The following PCYOX1 variants were observed in gnomAD, a reference collection of about 807,000 sequenced individuals.
PCYOX1 encodes the protein prenylcysteine lyase.
In PCYOX1, 46 loss-of-function variants were observed where a neutral mutation model predicts 46.4. That is an observed-to-expected ratio of 0.99 (90% CI 0.78 to 1.27). The LOEUF (loss-of-function observed/expected upper bound fraction) is 1.27, where lower values mean the gene tolerates loss of function less well. PCYOX1 is among the 50% of genes most tolerant of loss of function. The pLI, the probability that PCYOX1 is intolerant of heterozygous loss-of-function variation, is 0.00. For missense variants in PCYOX1, 658 were observed against 628.3 expected (o/e 1.05, Z -0.51); for synonymous variants, 220 against 231.8 (o/e 0.95, Z 0.46).
In PCYOX1 at chr2:70,277,912, G is replaced by A. The variant is rs1222061176; in HGVS notation, c.*520G>A. The A allele has an allele frequency of 6.6e-6, 1 of 152,434 alleles. No homozygotes were observed. The highest frequency in any genetic ancestry group is 1.5e-5 in the Non-Finnish European group (1 of 68,284). 9.4% of individuals were successfully genotyped at this position (152,434 alleles called of 1,614,324 possible). On this transcript the variant is annotated 3_prime_UTR_variant, in exon 6 of 6. Transcript: ENST00000433351. Reference sequence around the variant, plus strand: ...GGGAGAACTTAAAGACATCTTAGTTGGGGAGTAGTCCTTTTGAATTTTACA... The same window carrying A: ...GGGAGAACTTAAAGACATCTTAGTTAGGGAGTAGTCCTTTTGAATTTTACA...
At chr2:70,270,309 A>G (rs1043937454) in intron 3 of PCYOX1, among the ~76,000 whole-genome samples, 1 of 152,084 alleles carries the variant, frequency 6.6e-6, no homozygotes, top group African/African-American at 2.4e-5. Flanking sequence ...ATTTTTCTTG[A>G]ATAAATACTC....
At chr2:70,266,190 A>C (rs775474564) in intron 3 of PCYOX1, among the ~76,000 whole-genome samples, 1 of 152,140 alleles carries the variant, frequency 6.6e-6, no homozygotes, top group Non-Finnish European at 1.5e-5. Context: ...ATTCTGGATT[A>C]TCTAGGTGGG....
chr2:70,277,376 T>C lies in PCYOX1; in HGVS notation c.1502T>C (p.Leu501Pro). ...MIDQDGLYEK[L>P]KTEL ...GATCAGGATGGCTTATATGAGAAAC[T>C]TAAAACTGAACTATGAAGTGACACA... The change falls in exon 6 of 6, where the codon CTT (leucine) becomes CCT (proline). Residue 501 changes from leucine (L) to proline (P), a missense_variant. Coordinates refer to ENST00000433351, the MANE Select transcript of PCYOX1 (RefSeq NM_016297.4). 6.3e-7 allele frequency: 1 copy of C among 1,595,700 alleles called. No homozygotes were observed. Among genetic ancestry groups the C allele is most frequent in the Non-Finnish European group, 8.6e-7 (1 of 1,166,260 alleles).
chr2:70,265,905 C>A (rs1696515395), intron 3 of PCYOX1, among the ~76,000 whole-genome samples: 1 of 152,120 alleles, frequency 6.6e-6, no homozygotes, highest in Non-Finnish European at 1.5e-5. Flanking sequence ...TTTGTTCTTT[C>A]ATTTCCCAAA....
intron 3 of PCYOX1, among the ~76,000 whole-genome samples, chr2:70,274,052 A>C (rs540681101): frequency 6.6e-6 from 1 of 152,304 alleles, no homozygotes; most frequent in African/African-American, 2.4e-5. Flanking sequence ...TACAGCATGT[A>C]GGGCAAATTT....
intron 1 of PCYOX1, 76 bp downstream of exon 1, chr2:70,258,352 G>C: frequency 2.2e-6 from 2 of 926,278 alleles, no homozygotes; most frequent in African/African-American, 1.8e-5. Context: ...AGTGCGCCCA[G>C]ATCCCACAGC....
At position 70,264,924 on chromosome 2, in the gene PCYOX1, G is replaced by T. The variant is rs1483691403; in HGVS notation, c.494+3538G>T. Among the ~76,000 whole-genome samples, 3 of 151,854 alleles carry T rather than the reference G, an allele frequency of 2.0e-5. 1 individual carries two copies. Among genetic ancestry groups the T allele is most frequent in the African/African-American group, 7.2e-5 (3 of 41,388 alleles). On this transcript the variant is annotated intron_variant, in intron 3 of 5. Coordinates refer to ENST00000433351, the MANE Select transcript of PCYOX1 (RefSeq NM_016297.4). The stretch of plus-strand genomic sequence containing the variant: ...CTTGGGAGGCTGAGGCAGTAGAATC[G>T]CTTGAACCCAGGAAGCGGAGGTTGT...
At chr2:70,266,306 G>GA (rs1696522855) in intron 3 of PCYOX1, among the ~76,000 whole-genome samples, 2 of 152,056 alleles carry the variant, frequency 1.3e-5, no homozygotes, top group African/African-American at 4.8e-5. Flanking sequence ...GAAGGGGTGT[G>GA]CGTCCACGAG....
chr2:70,270,587 C>G (rs1696588026), intron 3 of PCYOX1, among the ~76,000 whole-genome samples: 1 of 152,174 alleles, frequency 6.6e-6, no homozygotes, highest in Non-Finnish European at 1.5e-5. Flanking sequence ...TTGCTTTTAC[C>G]TCTACCGGAA....
chr2:70,272,530 T>G (rs1696616607), intron 3 of PCYOX1, among the ~76,000 whole-genome samples: 1 of 152,142 alleles, frequency 6.6e-6, no homozygotes, highest in Non-Finnish European at 1.5e-5. Flanking sequence ...TCACCCAGGC[T>G]GGAGTATATT....
rs1696748778 is a variant in PCYOX1 at position 70,280,031 on chromosome 2, G to C, written c.*2639G>C. The stretch of plus-strand genomic sequence containing the variant: ...GGAGATGGAGGTTGCAGTGAGCAGA[G>C]ATCGCACCACTGCACTCCAGCCTGG... On this transcript the variant is annotated 3_prime_UTR_variant, in exon 6 of 6. Transcript: ENST00000433351. 1.3e-5 allele frequency: 2 copies of C among 152,008 alleles called. No individual in the cohort carries two copies. Among genetic ancestry groups the C allele is most frequent in the Admixed American group, 1.3e-4 (2 of 15,254 alleles). The allele number at this position is 152,008 out of a possible 1,614,324, so 9.4% of individuals were successfully genotyped here. A position where few individuals can be genotyped will look rare whatever the true frequency, so the allele number is the denominator to read the frequency against.
chr2:70,259,602 T>A, intron 2 of PCYOX1, 36 bp downstream of exon 2: 2 of 1,411,424 alleles, frequency 1.4e-6, no homozygotes, highest in Non-Finnish European at 2.0e-6. Context: ...ACCAGATTAC[T>A]GTGTGACATC....
chr2:70,259,688 T>C (rs1203939429), intron 2 of PCYOX1, 122 bp downstream of exon 2: 19 of 739,628 alleles, frequency 2.6e-5, no homozygotes, highest in Non-Finnish European at 4.4e-5. Flanking sequence ...GGTAAAACTG[T>C]TTTCCTCACT....
Position 70,261,330 on chromosome 2 carries a change from A to G in PCYOX1, c.438A>G (p.Gly146=). 6.2e-7 allele frequency: 1 copy of G among 1,613,126 alleles called. No individual in the cohort carries two copies. Among genetic ancestry groups the G allele is most frequent in the Non-Finnish European group, 8.5e-7 (1 of 1,179,040 alleles). ...TGATTAAATTAGTTTGGCGCTATGG[A>G]TTTCAATCCCTCCGTATGCACATGT... The part of the protein sequence containing the change: ...INVIKLVWRY[G]FQSLRMHMWV... Residue 146 remains glycine (G), a synonymous_variant, in exon 3 of 6, where the codon GGA becomes GGG. Coordinates refer to ENST00000433351, the MANE Select transcript of PCYOX1 (RefSeq NM_016297.4).
At chr2:70,275,754 C>G (rs1405071878) in intron 5 of PCYOX1, 88 bp downstream of exon 5, 1 of 1,237,822 alleles carries the variant, frequency 8.1e-7, no homozygotes, top group Non-Finnish European at 1.2e-6. Context: ...ATCTCTTACT[C>G]AGTTCTAAAA....
chr2:70,275,107 G>A lies in PCYOX1; in HGVS notation c.643G>A (p.Glu215Lys). 8 of 1,614,184 alleles carry A rather than the reference G, an allele frequency of 5.0e-6. No homozygotes were observed. Among genetic ancestry groups the A allele is most frequent in the Middle Eastern group, 1.6e-4 (1 of 6,062 alleles). Reference protein sequence around the residue: ...KAGFSEKFLNEMIAPVMRVNY... With the variant: ...KAGFSEKFLNKMIAPVMRVNY... ...CGGCTTTTCTGAGAAGTTCCTCAAT[G>A]AAATGATTGCTCCTGTTATGAGGGT... Residue 215 changes from glutamate (E) to lysine (K), a missense_variant, in exon 4 of 6, where the codon GAA becomes AAA. Glu to Lys is a moderately conservative substitution (Grantham distance 56). Coordinates refer to ENST00000433351, the MANE Select transcript of PCYOX1 (RefSeq NM_016297.4).
chr2:70,259,549 G>C lies in PCYOX1; in HGVS notation c.302G>C (p.Arg101Pro). 1 of 1,613,656 alleles carries C rather than the reference G, an allele frequency of 6.2e-7. No individual in the cohort carries two copies. Among genetic ancestry groups the C allele is most frequent in the South Asian group, 1.1e-5 (1 of 91,072 alleles). Residue 101 changes from arginine to proline, a missense_variant, in exon 2 of 6, where the codon CGT becomes CCT. By Grantham distance (103) the Arg-to-Pro change is moderately radical. Transcript: ENST00000433351. Reference sequence around the variant, plus strand: ...CATCCTTTAAATCTGCACATGAAACGTTTTGTCAAAGACCTGGGTATGTAA... The same window carrying C: ...CATCCTTTAAATCTGCACATGAAACCTTTTGTCAAAGACCTGGGTATGTAA... ...VIHPLNLHMK[R>P]FVKDLGLSAV...
intron 3 of PCYOX1, among the ~76,000 whole-genome samples, chr2:70,269,088 C>T (rs72904332): frequency 0.082 from 12,420 of 151,466 alleles, 551 homozygotes; most frequent in East Asian, 0.18. Flanking sequence ...TATTGTTGAA[C>T]TATGTATTTC....
In PCYOX1 at chr2:70,258,264, C is replaced by T. The variant is rs1439958090; in HGVS notation, c.100C>T (p.Pro34Ser). 2 of 1,587,356 alleles carry T rather than the reference C, an allele frequency of 1.3e-6. No homozygotes were observed. Among genetic ancestry groups the T allele is most frequent in the Admixed American group, 1.7e-5 (1 of 58,770 alleles). ...CPEGAELRAP[P>S]DKIAIIGAGI... ...CGAGGGCGCCGAGCTGCGTGCTCCG[C>T]CAGATAAAATCGGTAGGCGAGAAGG... The change falls in exon 1 of 6, where the codon CCA becomes TCA. Residue 34 changes from proline to serine, a missense_variant. Coordinates refer to ENST00000433351, the MANE Select transcript of PCYOX1 (RefSeq NM_016297.4).
Sources: allele counts gnomAD v4.1 joint callset (sites outside exome capture counted in the v4.1 genomes callset), GRCh38; gene constraint gnomAD v4.1.1; transcripts MANE v1.5; gene names NCBI Gene and HGNC (gene_info 2026-07-23, HGNC 2026-07-21).